The following TAFA2 variants were observed in gnomAD, a reference collection of about 807,000 sequenced individuals.
The protein encoded by TAFA2 is TAFA chemokine like family member 2.
TAFA2 carries 7 observed loss-of-function variants against 18.8 expected under a neutral mutation model. The ratio of observed to expected loss-of-function variants is 0.37; its 90% confidence interval spans 0.21 to 0.70. The LOEUF is 0.70. TAFA2 is among the 30% of genes least tolerant of loss of function. TAFA2 has a pLI of 0.53. For missense variants in TAFA2, 122 were observed against 158.1 expected (o/e 0.77, Z 1.23); for synonymous variants, 60 against 54.2 (o/e 1.11, Z -0.47).
intron 1 of TAFA2, among the ~76,000 whole-genome samples, chr12:62,200,236 T>C (rs920443070): frequency 7.9e-5 from 12 of 152,228 alleles, no homozygotes; most frequent in Non-Finnish European, 1.5e-5. Context: ...TTTCTTTTGC[T>C]GTGTAGAAGC....
intron 1 of TAFA2, chr12:62,253,626 A>G (rs2062925045): frequency 6.6e-6 from 1 of 152,210 alleles, no homozygotes; most frequent in African/African-American, 2.4e-5. Context: ...TCCATCTTCA[A>G]AGCCATTCTT....
At chr12:62,072,846 A>T (rs997808639) in intron 1 of TAFA2, among the ~76,000 whole-genome samples, 1 of 152,212 alleles carries the variant, frequency 6.6e-6, no homozygotes, top group Non-Finnish European at 1.5e-5. Context: ...AATAAGATGG[A>T]GCAAAGTAAA....
intron 1 of TAFA2, among the ~76,000 whole-genome samples, chr12:61,941,499 C>T (rs12309121): frequency 2.1e-4 from 32 of 152,248 alleles, no homozygotes; most frequent in Non-Finnish European, 1.8e-4. Context: ...CCAGCTTGAG[C>T]GAAGCAGAAG....
chr12:62,017,617 T>A (rs542624469), intron 1 of TAFA2, among the ~76,000 whole-genome samples: 1 of 152,170 alleles, frequency 6.6e-6, no homozygotes, highest in African/African-American at 2.4e-5. Context: ...TTTGTTATAT[T>A]CTCCACCACT....
At chr12:61,801,808 T>C (rs1220867968) in intron 2 of TAFA2, among the ~76,000 whole-genome samples, 1 of 151,872 alleles carries the variant, frequency 6.6e-6, no homozygotes, top group African/African-American at 2.4e-5. Flanking sequence ...AAACAATCAA[T>C]AGAATGATGA....
At chr12:61,956,802 T>C (rs2121467619) in intron 1 of TAFA2, among the ~76,000 whole-genome samples, 1 of 152,228 alleles carries the variant, frequency 6.6e-6, no homozygotes, top group East Asian at 1.9e-4. Flanking sequence ...CAGCATGAGA[T>C]CTGCTCTTTC....
chr12:62,019,651 C>T (rs1485228091), intron 1 of TAFA2, among the ~76,000 whole-genome samples: 2 of 137,184 alleles, frequency 1.5e-5, no homozygotes, highest in African/African-American at 5.6e-5. Context: ...AGGGGAACAT[C>T]ACACACCGGG....
At chr12:62,258,736 A>C (rs1172460049) in intron 1 of TAFA2, 3 of 366,830 alleles carry the variant, frequency 8.2e-6, no homozygotes, top group East Asian at 2.1e-4. Flanking sequence ...CTTTGCAGCT[A>C]AAGGTTGAAG....
intron 1 of TAFA2, among the ~76,000 whole-genome samples, chr12:61,988,904 T>C (rs2136685851): frequency 6.6e-6 from 1 of 152,284 alleles, no homozygotes; most frequent in Non-Finnish European, 1.5e-5. Flanking sequence ...ATTTTCATCT[T>C]TGTTTCATGG....
intron 1 of TAFA2, among the ~76,000 whole-genome samples, chr12:62,069,255 T>A (rs1323562883): frequency 6.6e-6 from 1 of 152,124 alleles, no homozygotes; most frequent in Admixed American, 6.6e-5. Context: ...CCTAATGGCA[T>A]AGGGGCAGGA....
chr12:61,952,574 C>T (rs1878507236), intron 1 of TAFA2, among the ~76,000 whole-genome samples: 2 of 152,056 alleles, frequency 1.3e-5, no homozygotes, highest in African/African-American at 4.8e-5. Context: ...CCATTGGAAA[C>T]AAAAAGACCT....
intron 2 of TAFA2, among the ~76,000 whole-genome samples, chr12:61,830,473 A>T (rs1041880771): frequency 6.6e-6 from 1 of 151,830 alleles, no homozygotes; most frequent in East Asian, 1.9e-4. Context: ...GGAGGCCATT[A>T]TCTTAAGTGA....
intron 1 of TAFA2, among the ~76,000 whole-genome samples, chr12:62,226,340 C>A (rs547500237): frequency 6.6e-6 from 1 of 152,178 alleles, no homozygotes; most frequent in South Asian, 2.1e-4. Context: ...ACTACAGGCA[C>A]CCGCCACCAC....
chr12:62,056,628 T>G (rs927389772), intron 1 of TAFA2, among the ~76,000 whole-genome samples: 2 of 152,226 alleles, frequency 1.3e-5, no homozygotes, highest in Admixed American at 1.3e-4. Context: ...TTTCTAAGGC[T>G]GAGCTAAGGC....
chr12:62,157,454 A>G (rs188191661), intron 1 of TAFA2, among the ~76,000 whole-genome samples: 38 of 152,320 alleles, frequency 2.5e-4, no homozygotes, highest in Non-Finnish European at 4.9e-4. Flanking sequence ...CAGAGTAGTC[A>G]GGAATCTTAA....
intron 1 of TAFA2, among the ~76,000 whole-genome samples, chr12:62,169,850 CAAAAA>C (rs11373929): frequency 3.3e-5 from 3 of 90,122 alleles, no homozygotes; most frequent in Non-Finnish European, 6.6e-5. Flanking sequence ...GACTCCGTCT[CAAAAA>C]AAAAAAAAAA....
intron 1 of TAFA2, among the ~76,000 whole-genome samples, chr12:62,190,441 T>C (rs1391406547): frequency 6.6e-6 from 1 of 152,152 alleles, no homozygotes; most frequent in African/African-American, 2.4e-5. Context: ...GGGGAAGGAA[T>C]GGCAAAGCAG....
intron 1 of TAFA2, among the ~76,000 whole-genome samples, chr12:62,046,888 T>A (rs1881923319): frequency 1.3e-5 from 2 of 152,122 alleles, no homozygotes; most frequent in African/African-American, 4.8e-5. Flanking sequence ...TATACCTTTA[T>A]TTTTTATTAT....
At chr12:62,116,945 A>G (rs1869988365) in intron 1 of TAFA2, among the ~76,000 whole-genome samples, 1 of 152,170 alleles carries the variant, frequency 6.6e-6, no homozygotes, top group African/African-American at 2.4e-5. Context: ...CTAATCCACC[A>G]TGACTGGTAT....
Sources: allele counts gnomAD v4.1 joint callset (sites outside exome capture counted in the v4.1 genomes callset), GRCh38; gene constraint gnomAD v4.1.1; transcripts MANE v1.5; gene names NCBI Gene and HGNC (gene_info 2026-07-23, HGNC 2026-07-21).